The following RBFOX1 variants were observed in gnomAD, a reference collection of about 807,000 sequenced individuals.
RBFOX1 encodes RNA binding fox-1 homolog 1, also known as RNA binding protein fox-1 homolog 1.
RBFOX1 carries 8 observed loss-of-function variants against 57.7 expected under a neutral mutation model. The ratio of observed to expected loss-of-function variants is 0.14; its 90% CI spans 0.08 to 0.25. The LOEUF is 0.25. Among genes scored for constraint, RBFOX1 ranks in the 10% least tolerant of loss-of-function variants. The pLI, the probability that RBFOX1 is intolerant of heterozygous loss-of-function variation, is 1.00. For missense variants in RBFOX1, 611 were observed against 548.5 expected (o/e 1.11, Z -1.14); for synonymous variants, 326 against 222.4 (o/e 1.47, Z -4.15).
At chr16:7,202,012 G>A (rs1053140994) in intron 4 of RBFOX1, among the ~76,000 whole-genome samples, 1 of 152,176 alleles carries the variant, frequency 6.6e-6, no homozygotes, top group African/African-American at 2.4e-5. Flanking sequence ...ATGCATAAAT[G>A]TAGAATTTGC....
intron 3 of RBFOX1, among the ~76,000 whole-genome samples, chr16:6,948,676 C>T (rs2080077663): frequency 6.6e-6 from 1 of 152,128 alleles, no homozygotes; most frequent in Admixed American, 6.5e-5. Flanking sequence ...GCCACCACGC[C>T]TGGCGTTGTG....
chr16:7,253,880 AT>A (rs1450012501), intron 4 of RBFOX1, among the ~76,000 whole-genome samples: 2 of 152,104 alleles, frequency 1.3e-5, no homozygotes, highest in Non-Finnish European at 2.9e-5. Flanking sequence ...AGGATTTAAT[AT>A]TTTGTTCGTT....
At chr16:6,831,896 TCTTA>T (rs1484297514) in intron 3 of RBFOX1, among the ~76,000 whole-genome samples, 1 of 152,190 alleles carries the variant, frequency 6.6e-6, no homozygotes. Flanking sequence ...AAAAGCAATG[TCTTA>T]CTTCTGACGA....
chr16:7,539,415 C>G (rs937103611), intron 5 of RBFOX1, among the ~76,000 whole-genome samples: 1 of 152,134 alleles, frequency 6.6e-6, no homozygotes, highest in Non-Finnish European at 1.5e-5. Flanking sequence ...CTCACCACTC[C>G]CCAACCAAAT....
chr16:5,550,317 C>A (rs1432305709), intron 2 of RBFOX1, among the ~76,000 whole-genome samples: 1 of 152,260 alleles, frequency 6.6e-6, no homozygotes, highest in African/African-American at 2.4e-5. Context: ...GTCTGTGAAT[C>A]CATGTTTCCC....
intron 1 of RBFOX1, among the ~76,000 whole-genome samples, chr16:6,157,544 T>C (rs908424848): frequency 2.0e-5 from 3 of 152,186 alleles, no homozygotes; most frequent in African/African-American, 4.8e-5. Context: ...TTTTTATCAT[T>C]TGTCTTCCTA....
At chr16:6,786,961 C>T (rs74007039) in intron 3 of RBFOX1, among the ~76,000 whole-genome samples, 22,384 of 151,918 alleles carry the variant, frequency 0.15, 2,287 homozygotes, top group African/African-American at 0.29. Flanking sequence ...AGTGTCATGA[C>T]CATGTCTCCC....
At chr16:7,414,619 A>T (rs1252569116) in intron 4 of RBFOX1, among the ~76,000 whole-genome samples, 1 of 151,816 alleles carries the variant, frequency 6.6e-6, no homozygotes, top group Non-Finnish European at 1.5e-5. Context: ...ATTTTATTTT[A>T]TTTATTTATT....
At chr16:7,434,332 CACA>C (rs1254751476) in intron 4 of RBFOX1, among the ~76,000 whole-genome samples, 1 of 152,002 alleles carries the variant, frequency 6.6e-6, no homozygotes, top group African/African-American at 2.4e-5. Flanking sequence ...ATTAGCTGGG[CACA>C]GTGGCGGGCG....
chr16:6,800,428 G>A (rs2085129147), intron 3 of RBFOX1, among the ~76,000 whole-genome samples: 1 of 152,126 alleles, frequency 6.6e-6, no homozygotes, highest in Non-Finnish European at 1.5e-5. Context: ...GATAGGCATT[G>A]CCTGGGGATC....
intron 3 of RBFOX1, among the ~76,000 whole-genome samples, chr16:6,679,481 C>A (rs865964663): frequency 6.6e-6 from 1 of 152,080 alleles, no homozygotes; most frequent in Non-Finnish European, 1.5e-5. Context: ...TGGGAAGTTT[C>A]CACAAATGAT....
At chr16:6,677,095 C>T (rs915846873) in intron 3 of RBFOX1, among the ~76,000 whole-genome samples, 2 of 152,194 alleles carry the variant, frequency 1.3e-5, no homozygotes, top group African/African-American at 4.8e-5. Flanking sequence ...AAGCATGATT[C>T]ATTTAATCTG....
At chr16:5,570,475 T>G (rs1343724768) in intron 2 of RBFOX1, among the ~76,000 whole-genome samples, 1 of 152,222 alleles carries the variant, frequency 6.6e-6, no homozygotes, top group Non-Finnish European at 1.5e-5. Context: ...TGTAGCCATT[T>G]GAGCATTCTG....
chr16:6,249,811 C>T (rs577342713), intron 1 of RBFOX1, among the ~76,000 whole-genome samples: 40 of 144,398 alleles, frequency 2.8e-4, no homozygotes, highest in African/African-American at 7.2e-4. Context: ...TTTTAGGGTA[C>T]GTGTGCACAA....
intron 4 of RBFOX1, among the ~76,000 whole-genome samples, chr16:7,412,656 C>T (rs577846535): frequency 1.3e-5 from 2 of 152,212 alleles, no homozygotes; most frequent in African/African-American, 4.8e-5. Context: ...TCTCCCATGT[C>T]TGTTAGACTC....
chr16:5,573,822 C>T (rs1239024897), intron 2 of RBFOX1, among the ~76,000 whole-genome samples: 7 of 152,216 alleles, frequency 4.6e-5, no homozygotes, highest in Non-Finnish European at 8.8e-5. Flanking sequence ...GGTGTGGTGG[C>T]GTGTGCCTGT....
intron 2 of RBFOX1, among the ~76,000 whole-genome samples, chr16:6,386,248 C>T (rs1316558927): frequency 6.6e-6 from 1 of 152,190 alleles, no homozygotes; most frequent in Non-Finnish European, 1.5e-5. Flanking sequence ...ACACTGCTGT[C>T]CTGTTGTCAT....
intron 2 of RBFOX1, among the ~76,000 whole-genome samples, chr16:6,582,381 G>A (rs573271768): frequency 6.6e-6 from 1 of 151,820 alleles, no homozygotes; most frequent in Non-Finnish European, 1.5e-5. Flanking sequence ...AATTAATGAT[G>A]CTGACATAAT....
chr16:7,697,156 G>A (rs1404538259), intron 14 of RBFOX1, among the ~76,000 whole-genome samples: 1 of 152,218 alleles, frequency 6.6e-6, no homozygotes, highest in Non-Finnish European at 1.5e-5. Flanking sequence ...CAGCACCGAA[G>A]GGCAATGGGG....
Sources: gnomAD v4.1 joint callset for allele counts (sites outside exome capture counted in the v4.1 genomes callset) on GRCh38, gnomAD v4.1.1 for gene constraint, MANE v1.5 for transcripts, NCBI Gene and HGNC (gene_info 2026-07-23, HGNC 2026-07-21) for gene names.